SNX30: variants seen among roughly 807,000 people sequenced by gnomAD.
The protein encoded by SNX30 is sorting nexin-30.
In SNX30, 24 loss-of-function variants were observed where a neutral mutation model predicts 46.4. That is an observed-to-expected ratio of 0.52 (90% CI 0.37 to 0.73). SNX30 has a LOEUF of 0.73. Among genes scored for constraint, SNX30 ranks in the 30% least tolerant of loss-of-function variants. The probability of loss-of-function intolerance (pLI) is 0.00; values close to 1 mark genes in which losing one functional copy is unlikely to be tolerated. For missense variants in SNX30, 533 were observed against 555.7 expected (o/e 0.96, Z 0.41); for synonymous variants, 189 against 211.5 (o/e 0.89, Z 0.92).
chr9:112,770,432 A>C (rs1839630453), intron 1 of SNX30, among the ~76,000 whole-genome samples: 1 of 151,432 alleles, frequency 6.6e-6, no homozygotes, highest in South Asian at 2.1e-4. Flanking sequence ...CGTCCCCCCA[A>C]AGTGCTGGGA....
At chr9:112,878,508 G>A (rs1480196907), downstream of SNX30, 1 of 152,270 alleles carries the variant, frequency 6.6e-6, no homozygotes, top group Non-Finnish European at 1.5e-5. Flanking sequence ...CCTTATATTA[G>A]TGAGGTTGGA....
At chr9:112,772,703 A>G (rs1839671916) in intron 1 of SNX30, among the ~76,000 whole-genome samples, 1 of 152,222 alleles carries the variant, frequency 6.6e-6, no homozygotes. Context: ...TTAAAGATAC[A>G]TTGCAGTATC....
chr9:112,845,178 A>G (rs1840920766), intron 6 of SNX30, among the ~76,000 whole-genome samples: 2 of 152,216 alleles, frequency 1.3e-5, no homozygotes, highest in Non-Finnish European at 2.9e-5. Context: ...CCAAAATGAC[A>G]CTAAAACGAT....
chr9:112,882,670 AG>A (rs1165564092), downstream of SNX30, among the ~76,000 whole-genome samples: 1 of 152,094 alleles, frequency 6.6e-6, no homozygotes, highest in Non-Finnish European at 1.5e-5. Flanking sequence ...TCAATATATT[AG>A]GCCTGATTGA....
intron 8 of SNX30, among the ~76,000 whole-genome samples, chr9:112,867,615 T>TC (rs1251167238): frequency 6.7e-6 from 1 of 149,472 alleles, no homozygotes; most frequent in Non-Finnish European, 1.5e-5. Flanking sequence ...TCTTCAGAGC[T>TC]CCTCCCACCT....
At chr9:112,812,006 C>A (rs1000825629) in intron 2 of SNX30, among the ~76,000 whole-genome samples, 1 of 152,146 alleles carries the variant, frequency 6.6e-6, no homozygotes. Flanking sequence ...GTGTTTCTCT[C>A]CAGAAATTCC....
At chr9:112,829,210 A>T (rs183824341) in intron 3 of SNX30, among the ~76,000 whole-genome samples, 1 of 152,114 alleles carries the variant, frequency 6.6e-6, no homozygotes, top group East Asian at 1.9e-4. Flanking sequence ...GGCTGTTATG[A>T]CTATTTGTGT....
At chr9:112,755,078 C>T (rs2131343749) in intron 1 of SNX30, among the ~76,000 whole-genome samples, 1 of 152,354 alleles carries the variant, frequency 6.6e-6, no homozygotes, top group South Asian at 2.1e-4. Context: ...GAGCCAGGCA[C>T]TGTTCTAGGA....
intron 1 of SNX30, among the ~76,000 whole-genome samples, chr9:112,797,266 T>C (rs1309420697): frequency 6.6e-6 from 1 of 152,236 alleles, no homozygotes. Context: ...TTAAAAAATC[T>C]ATCTTTCCCT....
chr9:112,789,450 G>A (rs1390459343), intron 1 of SNX30, among the ~76,000 whole-genome samples: 2 of 152,164 alleles, frequency 1.3e-5, no homozygotes, highest in Non-Finnish European at 2.9e-5. Context: ...TTGCATCAGA[G>A]TTAGAGGTCT....
chr9:112,837,825 A>G (rs898526198), intron 5 of SNX30, among the ~76,000 whole-genome samples: 1 of 145,606 alleles, frequency 6.9e-6, no homozygotes, highest in Non-Finnish European at 1.5e-5. Context: ...CCTATATGAA[A>G]CTCTGCCTCC....
At chr9:112,819,173 C>A (rs10981513) in intron 3 of SNX30, among the ~76,000 whole-genome samples, 19,502 of 151,848 alleles carry the variant, frequency 0.13, 1,339 homozygotes, top group African/African-American at 0.18. Flanking sequence ...ATTAGTGTGG[C>A]ACTTTTGTCA....
At chr9:112,852,377 T>G (rs1378464808) in intron 7 of SNX30, among the ~76,000 whole-genome samples, 5 of 152,192 alleles carry the variant, frequency 3.3e-5, no homozygotes, top group Non-Finnish European at 7.4e-5. Flanking sequence ...CTAGAGATGA[T>G]TTAAAGTATA....
At chr9:112,820,635 T>G (rs1840477021) in intron 3 of SNX30, among the ~76,000 whole-genome samples, 1 of 152,228 alleles carries the variant, frequency 6.6e-6, no homozygotes, top group Non-Finnish European at 1.5e-5. Flanking sequence ...ATTATCCATT[T>G]TCAAATCTTT....
chr9:112,854,889 C>T (rs531480745), intron 7 of SNX30, among the ~76,000 whole-genome samples: 9 of 152,288 alleles, frequency 5.9e-5, no homozygotes, highest in Admixed American at 3.3e-4. Flanking sequence ...ATAAAGTGCT[C>T]GGCGTAGTGT....
At chr9:112,836,106 T>A in intron 4 of SNX30, 108 bp from the exon 5 acceptor site, 1 of 1,073,180 alleles carries the variant, frequency 9.3e-7, no homozygotes, top group Non-Finnish European at 1.3e-6. Flanking sequence ...GCTCCTTGTT[T>A]CCCGAGTTCT....
At chr9:112,797,744 C>T (rs1270878952) in intron 1 of SNX30, among the ~76,000 whole-genome samples, 1 of 123,616 alleles carries the variant, frequency 8.1e-6, no homozygotes, top group East Asian at 2.4e-4. Flanking sequence ...GAGTCTTGCT[C>T]TGTCGCCCAG....
At chr9:112,832,462 G>GAC (rs1840677667) in intron 4 of SNX30, among the ~76,000 whole-genome samples, 2 of 49,710 alleles carry the variant, frequency 4.0e-5, no homozygotes, top group African/African-American at 1.3e-4. Flanking sequence ...GAGAGAGAGT[G>GAC]TGTGTGTGTG....
intron 1 of SNX30, among the ~76,000 whole-genome samples, chr9:112,780,629 T>A (rs1839830624): frequency 6.6e-6 from 1 of 152,210 alleles, no homozygotes; most frequent in Admixed American, 6.5e-5. Context: ...AGCGCCATCA[T>A]GCATAGAATT....
Sources: allele counts gnomAD v4.1 joint callset (sites outside exome capture counted in the v4.1 genomes callset), GRCh38; gene constraint gnomAD v4.1.1; transcripts MANE v1.5; gene names NCBI Gene and HGNC (gene_info 2026-07-23, HGNC 2026-07-21).